ECE1: variants seen among roughly 807,000 people sequenced by gnomAD.
ECE1 encodes the protein endothelin converting enzyme 1.
ECE1 carries 35 observed loss-of-function variants against 98.6 expected under a neutral mutation model. The observed-to-expected ratio is 0.35, with a 90% CI of 0.27 to 0.47. The LOEUF (loss-of-function observed/expected upper bound fraction) is 0.47. Among genes scored for constraint, ECE1 ranks in the 20% least tolerant of loss-of-function variants. The pLI is 1.00. For missense variants in ECE1, 814 were observed against 1,025.3 expected, an observed-to-expected ratio of 0.79 and a Z score of 2.81; for synonymous variants, 394 against 407.1, an observed-to-expected ratio of 0.97 and a Z score of 0.39.
Position 21,327,183 on chromosome 1 carries a change from A to G in ECE1, c.3+18193T>C, listed in dbSNP as rs961977085. 3.9e-5 allele frequency among the ~76,000 whole-genome samples: 6 copies of G among 152,160 alleles called. No homozygotes were observed. The highest frequency in any genetic ancestry group is 1.4e-4 in the African/African-American group (6 of 41,448). On this transcript the variant is annotated intron_variant, in intron 1 of 18. Coordinates refer to the ECE1 transcript ENST00000415912. The surrounding 1 kb of genome is among the most constrained non-coding windows in gnomAD (Gnocchi z 4.6). Reference sequence around the variant, plus strand: ...ACGAAGCCACCAGGAGACTGGGAAGAGGGACTCTGCCAGAGCAGCTGCCAG... The same window carrying G: ...ACGAAGCCACCAGGAGACTGGGAAGGGGGACTCTGCCAGAGCAGCTGCCAG...
rs1294711635 is a variant in ECE1, at chr1:21,319,995, A to G, written c.3+25381T>C. 1.3e-5 allele frequency among the ~76,000 whole-genome samples: 2 copies of G among 152,234 alleles called. No homozygotes were observed. Among genetic ancestry groups the G allele is most frequent in the Admixed American group, 6.5e-5 (1 of 15,288 alleles). ...TAAGAAATATTGTCTTGGGTCACAC[A>G]TAAAATACACCAACGATAGCCGATC... On this transcript the variant is annotated intron_variant, in intron 1 of 18. Transcript: ENST00000415912. The surrounding 1 kb of genome is among the most constrained non-coding windows in gnomAD (Gnocchi z 4.4).
chr1:21,322,560 A>C lies in ECE1; in HGVS notation c.3+22816T>G, dbSNP rs1471612011. 6.6e-6 allele frequency among the ~76,000 whole-genome samples: 1 copy of C among 152,224 alleles called. No individual in the cohort carries two copies. The highest frequency in any genetic ancestry group is 1.5e-5 in the Non-Finnish European group (1 of 68,040). On this transcript the variant is annotated intron_variant, in intron 1 of 18. Coordinates refer to the ECE1 transcript ENST00000415912. This position sits in a 1 kb window ranked among gnomAD's most constrained non-coding sequence, Gnocchi z 4.1. Reference sequence around the variant, plus strand: ...CACATGTGTCACACTCCAGGGCCCCAGGCCTGTGACCAAAATGGCAGTGCC... The same window carrying C: ...CACATGTGTCACACTCCAGGGCCCCCGGCCTGTGACCAAAATGGCAGTGCC...
At position 21,257,593 on chromosome 1, in the gene ECE1, G is replaced by A. The variant is rs370523890; in HGVS notation, c.763-3C>T. 1.7e-5 allele frequency: 28 copies of A among 1,614,244 alleles called. No individual in the cohort carries two copies. In the Middle Eastern group the frequency reaches 1.5e-3, roughly 86 times the overall value. ...AAGCCCAGGCCAGACTGGTCCACCT[G>A]GCAAGAGAAGCAGGCATGAGAGGGA... On this transcript the variant is annotated splice_region_variant and splice_polypyrimidine_tract_variant and intron_variant, in intron 6 of 18. Transcript: ENST00000374893.
chr1:21,323,461 C>G lies in ECE1; in HGVS notation c.3+21915G>C, dbSNP rs1321384933. 3.3e-5 allele frequency among the ~76,000 whole-genome samples: 5 copies of G among 152,164 alleles called. No homozygotes were observed. The East Asian group carries it at 9.7e-4, about 29-fold the overall frequency. On this transcript the variant is annotated intron_variant, in intron 1 of 18. Coordinates refer to the ECE1 transcript ENST00000415912. ...CAGATATAGCAGGAAACAAAACAGA[C>G]AAAATCCTTGCCTTTGGGCCAAGTG...
chr1:21,227,349 T>A, intron 15 of ECE1, 123 bp from the exon 16 acceptor site: 1 of 983,432 alleles, frequency 1.0e-6, no homozygotes, highest in Non-Finnish European at 1.6e-6. Flanking sequence ...GGGCTCTGTG[T>A]GGATAAGGGT....
chr1:21,224,875 C>G (rs1455027222), intron 17 of ECE1, among the ~76,000 whole-genome samples: 1 of 152,228 alleles, frequency 6.6e-6, no homozygotes. Context: ...ACTGGCTCCA[C>G]GACCAGTGCT....
intron 10 of ECE1, among the ~76,000 whole-genome samples, chr1:21,243,653 T>C (rs929960748): frequency 1.3e-5 from 2 of 152,228 alleles, no homozygotes; most frequent in Admixed American, 1.3e-4. Flanking sequence ...GGAACCATCA[T>C]CCTGGGTCCT....
rs543046655 is a variant in ECE1 at position 21,326,866 on chromosome 1, C to T, written c.3+18510G>A. Among the ~76,000 whole-genome samples the T allele has an allele frequency of 4.9e-4, 74 of 152,240 alleles. 1 individual carries two copies. In the South Asian group the frequency reaches 0.012, roughly 24 times the overall value. Reference sequence around the variant, plus strand: ...GAGAGGGTCTCCCCAGCCTTTGGCCCCTGCGTCTCCTTTCTCTTCATGACA... The same window carrying T: ...GAGAGGGTCTCCCCAGCCTTTGGCCTCTGCGTCTCCTTTCTCTTCATGACA... On this transcript the variant is annotated intron_variant, in intron 1 of 18. Coordinates refer to the ECE1 transcript ENST00000415912.
intron 10 of ECE1, among the ~76,000 whole-genome samples, chr1:21,242,362 TC>T (rs1465873534): frequency 3.3e-5 from 5 of 152,214 alleles, no homozygotes; most frequent in Admixed American, 3.3e-4. Flanking sequence ...CTATGCTTTT[TC>T]CCGAATGAAG....
intron 8 of ECE1, among the ~76,000 whole-genome samples, chr1:21,251,231 G>A (rs2098212442): frequency 6.6e-6 from 1 of 152,112 alleles, no homozygotes; most frequent in Non-Finnish European, 1.5e-5. Flanking sequence ...TAACAACTGC[G>A]CCGGGCACGG....
At position 21,225,280 on chromosome 1, in the gene ECE1, G is replaced by A. The variant is rs754475631; in HGVS notation, c.2010C>T (p.Ala670=). 102 of 1,614,076 alleles carry A rather than the reference G, an allele frequency of 6.3e-5. No individual in the cohort carries two copies. The highest frequency in any genetic ancestry group is 7.7e-5 in the South Asian group (7 of 91,084). ...NGRHTLGENI[A]DNGGLKAAYR... ...AGGCCGCCTTGAGACCCCCGTTGTC[G>A]GCGATGTTCTCCCCCAGGGTGTGCC... Residue 670 remains alanine (A), a synonymous_variant, in exon 17 of 19, where the codon GCC becomes GCT. Coordinates refer to ENST00000374893, the MANE Select transcript of ECE1 (RefSeq NM_001397.3). This position sits in a 1 kb window ranked among gnomAD's most constrained non-coding sequence, Gnocchi z 5.3.
chr1:21,221,919 G>A (rs2098167954), intron 17 of ECE1, 77 bp from the exon 18 acceptor site: 3 of 1,306,818 alleles, frequency 2.3e-6, no homozygotes, highest in Non-Finnish European at 3.3e-6. Flanking sequence ...GAGGTCTCAG[G>A]GAGCTCCCCC....
intron 1 of ECE1, among the ~76,000 whole-genome samples, chr1:21,295,706 C>T (rs978742447): frequency 6.6e-6 from 1 of 152,142 alleles, no homozygotes; most frequent in Non-Finnish European, 1.5e-5. Flanking sequence ...CTCTGTTTTC[C>T]GTGATTCTGA....
chr1:21,254,068 C>CA lies in ECE1; in HGVS notation c.1020+1878dup, dbSNP rs57691016. Among the ~76,000 whole-genome samples the CA allele has an allele frequency of 5.2e-3, 517 of 98,820 alleles. 2 individuals are homozygous for CA. The highest frequency in any genetic ancestry group is 0.023 in the East Asian group (77 of 3,382). 64.8% of individuals were successfully genotyped at this position (98,820 alleles called of 152,430 possible). A position where few individuals can be genotyped will look rare whatever the true frequency, so the allele number is the denominator to read the frequency against. On this transcript the variant is annotated intron_variant, in intron 8 of 18. Coordinates refer to ENST00000374893, the MANE Select transcript of ECE1 (RefSeq NM_001397.3). ...TGGGCGACAGAGCAAGACTTTGTCTCAAAAAAAAAAAAAAAAAAAAAAAAG... is the reference window on the plus strand; with the variant it reads ...TGGGCGACAGAGCAAGACTTTGTCTCAAAAAAAAAAAAAAAAAAAAAAAAAG...
At chr1:21,285,348 G>A (rs1037627863) in intron 2 of ECE1, among the ~76,000 whole-genome samples, 3 of 152,136 alleles carry the variant, frequency 2.0e-5, no homozygotes, top group African/African-American at 7.2e-5. Context: ...GTGTTGCTGG[G>A]CAGTCTCTGG....
intron 8 of ECE1, among the ~76,000 whole-genome samples, chr1:21,254,572 C>T (rs1276420866): frequency 1.3e-5 from 2 of 152,178 alleles, no homozygotes; most frequent in Non-Finnish European, 2.9e-5. Flanking sequence ...CCTGTGCCTT[C>T]TCCGCTATTC....
intron 1 of ECE1, among the ~76,000 whole-genome samples, chr1:21,296,700 CT>C (rs1260154584): frequency 2.0e-5 from 3 of 152,206 alleles, no homozygotes; most frequent in Non-Finnish European, 4.4e-5. Flanking sequence ...AAGGAAGCAG[CT>C]TGCCAGAGCT....
rs1271183608 is a variant in ECE1 at position 21,217,337 on chromosome 1, C to G, written c.*2618G>C. On this transcript the variant is annotated 3_prime_UTR_variant, in exon 19 of 19. Transcript: ENST00000374893. ...CATAATACAAAAAATAGATTCCCAG[C>G]TCCCAACCCCACGTCCACGCACCCA... 3 of 152,480 alleles carry G rather than the reference C, an allele frequency of 2.0e-5. No individual in the cohort carries two copies. In the East Asian group the frequency reaches 5.8e-4, roughly 29 times the overall value. The allele number at this position is 152,480 out of a possible 1,614,324, so 9.4% of individuals were successfully genotyped here.
chr1:21,221,619 G>GC, intron 18 of ECE1, 128 bp downstream of exon 18: 1 of 951,654 alleles, frequency 1.1e-6, no homozygotes, highest in Admixed American at 1.7e-5. Flanking sequence ...GGGCACATGT[G>GC]CTGTGCACAG....
Sources: gnomAD v4.1 joint callset for allele counts (sites outside exome capture counted in the v4.1 genomes callset) on GRCh38, gnomAD v4.1.1 for gene constraint, Gnocchi (gnomAD v3.1) non-coding constraint, MANE v1.5 for transcripts, NCBI Gene and HGNC (gene_info 2026-07-23, HGNC 2026-07-21) for gene names.